Variants in ALDH1L1 observed in about 807,000 individuals in gnomAD.
ALDH1L1 encodes the protein aldehyde dehydrogenase 1 family member L1.
Under a neutral mutation model 101.1 loss-of-function variants are expected in ALDH1L1, and 68 were observed. The observed-to-expected ratio is 0.67, with a 90% CI of 0.55 to 0.82. The LOEUF is 0.82. ALDH1L1 is among the 40% of genes least tolerant of loss of function. ALDH1L1 has a pLI of 0.00. For synonymous variants in ALDH1L1, 486 were observed against 470.8 expected, an observed-to-expected ratio of 1.03 and a Z score of -0.42; for missense variants, 1,087 against 1,172.7, an observed-to-expected ratio of 0.93 and a Z score of 1.07.
At chr3:126,194,705 G>A (rs960419193) in intron 1 of ALDH1L1, among the ~76,000 whole-genome samples, 1 of 151,972 alleles carries the variant, frequency 6.6e-6, no homozygotes, top group African/African-American at 2.4e-5. Context: ...CAGACCCTTA[G>A]CTTTTTCTTA....
chr3:126,181,304 CCTT>C, upstream of ALDH1L1: 1 of 431,512 alleles, frequency 2.3e-6, no homozygotes, highest in Admixed American at 3.5e-5. Context: ...CCAGGTGGCT[CCTT>C]CTCCTGGAAC....
intron 16 of ALDH1L1, among the ~76,000 whole-genome samples, chr3:126,120,975 T>C (rs1223568965): frequency 2.0e-5 from 3 of 152,188 alleles, no homozygotes; most frequent in African/African-American, 7.2e-5. Context: ...TAACCCCCAG[T>C]ACCTCACAAT....
chr3:126,135,838 G>A (rs2080429378), intron 11 of ALDH1L1, among the ~76,000 whole-genome samples, 176 bp from the exon 12 acceptor site: 1 of 152,190 alleles, frequency 6.6e-6, no homozygotes, highest in East Asian at 1.9e-4. Context: ...CACAGGAAGG[G>A]AAGACAGGGC....
chr3:126,195,318 G>C (rs1327698063), intron 1 of ALDH1L1, among the ~76,000 whole-genome samples: 1 of 152,078 alleles, frequency 6.6e-6, no homozygotes, highest in African/African-American at 2.4e-5. Flanking sequence ...AGACATTACA[G>C]TTTTTACTTT....
At position 126,166,611 on chromosome 3, in the gene ALDH1L1, A is replaced by C. The variant is rs1269726384; in HGVS notation, c.-23-5609T>G. On this transcript the variant is annotated intron_variant, in intron 1 of 22. Transcript: ENST00000393434. ...GAAACTTAACAATGTCTTTATTAAT[A>C]ATTTTATTATAAAATTTCATAAACC... Among the ~76,000 whole-genome samples, 114 of 152,110 alleles carry C rather than the reference A, an allele frequency of 7.5e-4. 2 individuals are homozygous for C. The highest frequency in any genetic ancestry group is 7.4e-3 in the Admixed American group (113 of 15,274).
chr3:126,131,634 A>C (rs1576438261), intron 12 of ALDH1L1, 100 bp from the exon 13 acceptor site: 3 of 1,357,190 alleles, frequency 2.2e-6, no homozygotes, highest in East Asian at 2.5e-5. Context: ...CCTGCCCTCT[A>C]CCCCAGTTCT....
intron 1 of ALDH1L1, among the ~76,000 whole-genome samples, chr3:126,169,342 G>C (rs2081228214): frequency 6.6e-6 from 1 of 152,068 alleles, no homozygotes; most frequent in Admixed American, 6.5e-5. Flanking sequence ...CTAGTTATAA[G>C]CATTCTTAAA....
chr3:126,181,345 C>G, upstream of ALDH1L1: 1 of 364,988 alleles, frequency 2.7e-6, no homozygotes, highest in Non-Finnish European at 5.3e-6. Context: ...TGCGGCCGCA[C>G]TGCTCCGTGC....
Position 126,105,821 on chromosome 3 carries a change from A to C in ALDH1L1, c.2558T>G (p.Leu853Arg). 6.2e-7 allele frequency: 1 copy of C among 1,614,174 alleles called. No homozygotes were observed. The highest frequency in any genetic ancestry group is 8.5e-7 in the Non-Finnish European group (1 of 1,180,040). ...INKALYVSDK[L>R]QAGTVFVNTY... ...GTTGACAAACACAGTGCCTGCCTGG[A>C]GCTTGTCACTGACATACAGGGCCTT... Residue 853 changes from leucine (L) to arginine (R), a missense_variant, in exon 22 of 23, where the codon CTC (leucine) becomes CGC (arginine). Around this residue, in one of 2 missense-constraint regions of ALDH1L1, gnomAD observed 442 missense variants for 535.7 expected, o/e 0.83. Coordinates refer to ENST00000393434, the MANE Select transcript of ALDH1L1 (RefSeq NM_012190.4).
chr3:126,159,450 AC>A (rs1398925647), intron 2 of ALDH1L1: 2 of 456,348 alleles, frequency 4.4e-6, no homozygotes, highest in Admixed American at 4.7e-5. Flanking sequence ...ACTCTTCAAT[AC>A]CCAAGGAACA....
At chr3:126,182,282 G>A (rs1055757002), upstream of ALDH1L1, among the ~76,000 whole-genome samples, 35 of 152,206 alleles carry the variant, frequency 2.3e-4, no homozygotes, top group Non-Finnish European at 3.8e-4. Flanking sequence ...GAGTAGCTGG[G>A]ATTACAGGCA....
chr3:126,110,105 TC>T lies in ALDH1L1; in HGVS notation c.2185del (p.Glu729LysfsTer6), dbSNP rs1333329776. 6.2e-7 allele frequency: 1 copy of T among 1,614,074 alleles called. No homozygotes were observed. The highest frequency in any genetic ancestry group is 8.5e-7 in the Non-Finnish European group (1 of 1,179,962). On this transcript the variant is annotated frameshift_variant, in exon 20 of 23. Transcript: ENST00000393434. LOFTEE classifies it high-confidence loss of function. ...IHDEFVRRVV[E>X]EVRKMKVGNP... is the part of the protein sequence containing the mutation. ...GCCCACCTTCATCTTCCGCACCTCT[TC>T]TACCTGCAGAAAGTCCTCCAAGTCA...
chr3:126,155,427 C>A lies in ALDH1L1; in HGVS notation c.605G>T (p.Gly202Val). Residue 202 changes from glycine to valine, a missense_variant, in exon 5 of 23, where the codon GGG becomes GTG. Gly to Val is a moderately radical substitution (Grantham distance 109). This residue lies in a region of ALDH1L1 where 645 missense variants were observed against 637.0 expected (regional missense o/e 1.01). Transcript: ENST00000393434. ...CTTGGCTGTCTCCTTCTTCTGAATC[C>A]CCTCATAGGTGGCTCCTTCCTCAGG... Reference protein sequence around the residue: ...PQPEEGATYEGIQKKETAKIN... With the variant: ...PQPEEGATYEVIQKKETAKIN... 1 of 1,612,840 alleles carries A rather than the reference C, an allele frequency of 6.2e-7. No homozygotes were observed. Among genetic ancestry groups the A allele is most frequent in the Non-Finnish European group, 8.5e-7 (1 of 1,179,554 alleles).
chr3:126,161,791 T>C (rs964113992), intron 1 of ALDH1L1, among the ~76,000 whole-genome samples: 1 of 152,212 alleles, frequency 6.6e-6, no homozygotes. Flanking sequence ...CATAGATGTG[T>C]AGCTCAATGA....
At chr3:126,187,731 G>T (rs192843149) in intron 1 of ALDH1L1, among the ~76,000 whole-genome samples, 1 of 152,098 alleles carries the variant, frequency 6.6e-6, no homozygotes, top group South Asian at 2.1e-4. Flanking sequence ...TGAGCTGGAC[G>T]AGGAAAATGC....
At chr3:126,144,400 C>T (rs2080630398) in intron 9 of ALDH1L1, among the ~76,000 whole-genome samples, 1 of 152,164 alleles carries the variant, frequency 6.6e-6, no homozygotes, top group Admixed American at 6.5e-5. Flanking sequence ...GTGAATAGTT[C>T]AAACAATCCT....
Position 126,105,732 on chromosome 3 carries a change from C to T in ALDH1L1, c.2647G>A (p.Asp883Asn). The change falls in exon 22 of 23, where the codon GAT (aspartate) becomes AAT (asparagine). Residue 883 changes from aspartate (D) to asparagine (N), a missense_variant. Physicochemically the swap from Asp to Asn is conservative, Grantham distance 23. Coordinates refer to ENST00000393434, the MANE Select transcript of ALDH1L1 (RefSeq NM_012190.4). ...GGFKQSGFGK[D>N]LGEAALNEYL... ...ACAGGCAGGAGTAGGTTACCTAGAT[C>T]TTTGCCAAATCCAGACTGTTTGAAT... The T allele has an allele frequency of 6.2e-7, 1 of 1,614,224 alleles. No homozygotes were observed. The highest frequency in any genetic ancestry group is 8.5e-7 in the Non-Finnish European group (1 of 1,180,036).
chr3:126,134,285 ACT>A (rs1040770222), intron 12 of ALDH1L1, among the ~76,000 whole-genome samples: 6 of 151,928 alleles, frequency 3.9e-5, no homozygotes, highest in African/African-American at 1.5e-4. Flanking sequence ...TGCCCCCCTC[ACT>A]GTCATTATGG....
chr3:126,123,555 G>A (rs1374478997), intron 16 of ALDH1L1, among the ~76,000 whole-genome samples: 1 of 150,008 alleles, frequency 6.7e-6, no homozygotes, highest in Non-Finnish European at 1.5e-5. Context: ...ACTGCGCCTG[G>A]CCATCACCAA....
Sources: allele counts gnomAD v4.1 joint callset (sites outside exome capture counted in the v4.1 genomes callset), GRCh38; gene constraint gnomAD v4.1.1; regional missense constraint gnomAD v4.1.1; transcripts MANE v1.5; gene names NCBI Gene and HGNC (gene_info 2026-07-23, HGNC 2026-07-21).